Variants in LRRC4C observed in about 807,000 individuals in gnomAD.
LRRC4C encodes leucine rich repeat containing 4C, also known as leucine-rich repeat-containing protein 4C.
LRRC4C carries 5 observed loss-of-function variants against 33.6 expected under a neutral mutation model. The observed-to-expected ratio is 0.15, with a 90% CI of 0.08 to 0.31. The LOEUF (loss-of-function observed/expected upper bound fraction) is 0.31, where lower values mean the gene tolerates loss of function less well. LRRC4C is among the 10% of genes least tolerant of loss of function. The probability of loss-of-function intolerance (pLI) is 1.00; values close to 1 mark genes in which losing one functional copy is unlikely to be tolerated. For missense variants in LRRC4C, 560 were observed against 796.7 expected (o/e 0.70, Z 3.58); for synonymous variants, 329 against 302.0 (o/e 1.09, Z -0.93).
In LRRC4C at chr11:41,058,016, C is replaced by A. The variant is rs148492009; in HGVS notation, c.-495-124293G>T. ...ATCTTGCTCACCCTCTACTTGTCTG[C>A]GTACCTCATTCTTCCTTTTCACAGG... On this transcript the variant is annotated intron_variant, in intron 1 of 6. Coordinates refer to ENST00000528697, the MANE Select transcript of LRRC4C (RefSeq NM_001258419.2). Among the ~76,000 whole-genome samples the A allele has an allele frequency of 1.2e-3, 182 of 152,316 alleles. 1 individual carries two copies. Among genetic ancestry groups the A allele is most frequent in the African/African-American group, 4.0e-3 (167 of 41,574 alleles).
intron 3 of LRRC4C, among the ~76,000 whole-genome samples, chr11:40,380,311 A>G (rs191330106): frequency 8.9e-4 from 135 of 152,260 alleles, no homozygotes; most frequent in South Asian, 1.5e-3. Flanking sequence ...TAAATCTTCC[A>G]AAGAATCCTT....
intron 1 of LRRC4C, among the ~76,000 whole-genome samples, chr11:41,408,962 C>T (rs575753673): frequency 1.8e-4 from 27 of 152,202 alleles, no homozygotes; most frequent in African/African-American, 4.6e-4. Flanking sequence ...AGCTTTCTGT[C>T]GGGCAACCTG....
At chr11:41,321,915 A>G (rs927258066) in intron 1 of LRRC4C, among the ~76,000 whole-genome samples, 3 of 151,770 alleles carry the variant, frequency 2.0e-5, no homozygotes, top group Non-Finnish European at 4.4e-5. Context: ...CCTGGGCTGG[A>G]GTGCAATGGC....
chr11:41,110,443 G>A lies in LRRC4C; in HGVS notation c.-495-176720C>T, dbSNP rs145537043. 3.7e-3 allele frequency among the ~76,000 whole-genome samples: 559 copies of A among 152,044 alleles called. 4 individuals carry two copies. The highest frequency in any genetic ancestry group is 0.013 in the African/African-American group (527 of 41,506). On this transcript the variant is annotated intron_variant, in intron 1 of 6. Transcript: ENST00000528697. The stretch of plus-strand genomic sequence containing the variant: ...AAAAATGAGTAAACTAAGACAAAGA[G>A]AATGTAAATAACTTATTCAACATCA...
chr11:41,222,790 G>A (rs1201985626), intron 1 of LRRC4C: 7 of 144,554 alleles, frequency 4.8e-5, no homozygotes, highest in Admixed American at 2.1e-4. Flanking sequence ...TGGAGAAAGT[G>A]GCTCACCTGC....
chr11:41,280,300 G>C (rs1475765875), intron 1 of LRRC4C, among the ~76,000 whole-genome samples: 1 of 152,120 alleles, frequency 6.6e-6, no homozygotes, highest in Non-Finnish European at 1.5e-5. Flanking sequence ...ATGTGAAGTG[G>C]ACCCTTAGCT....
At chr11:41,024,982 T>C (rs1856242147) in intron 1 of LRRC4C, among the ~76,000 whole-genome samples, 1 of 151,650 alleles carries the variant, frequency 6.6e-6, no homozygotes, top group Non-Finnish European at 1.5e-5. Context: ...CTTATTATTG[T>C]AATTGTTTTG....
intron 5 of LRRC4C, among the ~76,000 whole-genome samples, chr11:40,240,158 G>A (rs375391695): frequency 1.8e-4 from 28 of 151,862 alleles, no homozygotes; most frequent in Middle Eastern, 3.4e-3. Context: ...TTTGCTTTTC[G>A]CACCCTGTCC....
intron 1 of LRRC4C, among the ~76,000 whole-genome samples, chr11:41,160,092 G>T (rs1049728743): frequency 6.6e-6 from 1 of 152,028 alleles, no homozygotes; most frequent in African/African-American, 2.4e-5. Context: ...TTACATCCAG[G>T]TAGAGAAGAA....
intron 1 of LRRC4C, among the ~76,000 whole-genome samples, chr11:41,335,160 A>G (rs952012539): frequency 6.6e-6 from 1 of 152,204 alleles, no homozygotes; most frequent in African/African-American, 2.4e-5. Flanking sequence ...CTTATTGATA[A>G]CTGATTCCAA....
intron 3 of LRRC4C, among the ~76,000 whole-genome samples, chr11:40,572,063 C>A (rs1376003615): frequency 2.0e-5 from 3 of 152,184 alleles, no homozygotes; most frequent in Non-Finnish European, 4.4e-5. Context: ...TCCTCTTTAA[C>A]AAATGACTAT....
intron 1 of LRRC4C, among the ~76,000 whole-genome samples, chr11:40,940,227 A>C (rs192842328): frequency 3.1e-4 from 47 of 152,284 alleles, no homozygotes; most frequent in African/African-American, 1.1e-3. Context: ...TGTTGTGAGA[A>C]TTAAATTTTT....
rs746082408 is a variant in LRRC4C at position 40,703,414 on chromosome 11, T to TA, written c.-406-55137dup. Among the ~76,000 whole-genome samples, 53 of 152,142 alleles carry TA rather than the reference T, an allele frequency of 3.5e-4. 1 individual carries two copies. The highest frequency in any genetic ancestry group is 6.8e-3 in the Middle Eastern group (2 of 294). On this transcript the variant is annotated intron_variant, in intron 2 of 6. Coordinates refer to ENST00000528697, the MANE Select transcript of LRRC4C (RefSeq NM_001258419.2). ...GCAAAACCACGTCTCTACAAAAATA[T>TA]AAAAAATATAAAAAATTAGCTGAAT...
chr11:40,309,838 C>G (rs1306163040), intron 4 of LRRC4C, among the ~76,000 whole-genome samples: 1 of 152,058 alleles, frequency 6.6e-6, no homozygotes, highest in Non-Finnish European at 1.5e-5. Context: ...GCTCAGGCCC[C>G]CAGAAGCAGG....
At chr11:40,149,656 T>G (rs1009692027) in intron 5 of LRRC4C, among the ~76,000 whole-genome samples, 7 of 152,090 alleles carry the variant, frequency 4.6e-5, no homozygotes, top group Non-Finnish European at 8.8e-5. Flanking sequence ...GAGAAAACAT[T>G]AAATTGATGG....
intron 1 of LRRC4C, chr11:41,394,965 A>G (rs1214138982): frequency 3.3e-5 from 5 of 152,028 alleles, no homozygotes; most frequent in Non-Finnish European, 7.4e-5. Flanking sequence ...TGACCTCTTC[A>G]GAGAGAATCC....
chr11:40,496,652 C>T (rs1032958485), intron 3 of LRRC4C, among the ~76,000 whole-genome samples: 5 of 152,076 alleles, frequency 3.3e-5, no homozygotes, highest in Non-Finnish European at 5.9e-5. Flanking sequence ...TTCATACACA[C>T]CTGAGTTATG....
intron 1 of LRRC4C, among the ~76,000 whole-genome samples, chr11:41,106,911 G>T (rs950080532): frequency 1.3e-5 from 2 of 152,064 alleles, no homozygotes; most frequent in Middle Eastern, 3.4e-3. Context: ...TACTTGGGAG[G>T]GTGGGGCAGG....
chr11:40,912,689 CAT>C (rs1220633744), intron 2 of LRRC4C, among the ~76,000 whole-genome samples: 2 of 152,094 alleles, frequency 1.3e-5, no homozygotes, highest in Non-Finnish European at 2.9e-5. Context: ...CAAATTCACA[CAT>C]AACAATATTA....
Sources: gnomAD v4.1 joint callset for allele counts (sites outside exome capture counted in the v4.1 genomes callset) on GRCh38, gnomAD v4.1.1 for gene constraint, MANE v1.5 for transcripts, NCBI Gene and HGNC (gene_info 2026-07-23, HGNC 2026-07-21) for gene names.